Variants in COL22A1 observed in about 807,000 individuals in gnomAD.
COL22A1 encodes the protein collagen type XXII alpha 1 chain.
A neutral mutation model predicts 248.9 loss-of-function variants in COL22A1; 221 were observed. The ratio of observed to expected loss-of-function variants is 0.89; its 90% CI spans 0.80 to 0.99. The LOEUF (loss-of-function observed/expected upper bound fraction) is 0.99. Ranked by LOEUF, COL22A1 falls within the 50% of genes least tolerant of loss-of-function variation. COL22A1 has a pLI of 0.00. For synonymous variants in COL22A1, 891 were observed against 793.4 expected, an observed-to-expected ratio of 1.12 and a Z score of -2.07; for missense variants, 2,240 against 2,179.0, an observed-to-expected ratio of 1.03 and a Z score of -0.56.
Position 138,725,437 on chromosome 8 carries a change from G to A in COL22A1, c.2143C>T (p.Pro715Ser), listed in dbSNP as rs201989575. 11 of 1,613,352 alleles carry A rather than the reference G, an allele frequency of 6.8e-6. No individual in the cohort carries two copies. Among genetic ancestry groups the A allele is most frequent in the Admixed American group, 1.7e-5 (1 of 59,832 alleles). ...GIPGLLGLQG[P>S]PGPPGVPGPP... The stretch of plus-strand genomic sequence containing the variant: ...CCTGGGACACCAGGGGGTCCTGGAG[G>A]GCCCTGTAGAGAAAGAGCATTTGGT... Residue 715 changes from proline to serine, a missense_variant, in exon 24 of 65, where the codon CCT (proline) becomes TCT (serine). Physicochemically the swap from Pro to Ser is moderately conservative, Grantham distance 74. Transcript: ENST00000303045.
Position 138,615,523 on chromosome 8 carries a change from T to C in COL22A1, c.3924+478A>G, listed in dbSNP as rs1192897964. On this transcript the variant is annotated intron_variant, in intron 55 of 64. Transcript: ENST00000303045. Reference sequence around the variant, plus strand: ...TTCAGCCTGGGCGACGGAGTGAGACTCCATCTCAAAAAAAAAAAAAAAAAA... The same window carrying C: ...TTCAGCCTGGGCGACGGAGTGAGACCCCATCTCAAAAAAAAAAAAAAAAAA... Among the ~76,000 whole-genome samples, 5 of 123,834 alleles carry C rather than the reference T, an allele frequency of 4.0e-5. No homozygotes were observed. The East Asian group carries it at 9.5e-4, about 23-fold the overall frequency. The allele number at this position is 123,834 out of a possible 152,430, so 81.2% of individuals were successfully genotyped here.
At chr8:138,704,404 C>T (rs909568740) in intron 30 of COL22A1, among the ~76,000 whole-genome samples, 1 of 152,198 alleles carries the variant, frequency 6.6e-6, no homozygotes, top group Non-Finnish European at 1.5e-5. Context: ...CTCATACAGC[C>T]AGATGCCCCT....
At chr8:138,627,301 T>A (rs1251677545) in intron 50 of COL22A1, among the ~76,000 whole-genome samples, 2 of 152,244 alleles carry the variant, frequency 1.3e-5, no homozygotes, top group Admixed American at 6.5e-5. Context: ...GATCTAGGAC[T>A]GGAGTCAGCA....
intron 2 of COL22A1, 57 bp from the exon 3 acceptor site, chr8:138,878,373 C>A: frequency 7.2e-7 from 1 of 1,388,024 alleles, no homozygotes; most frequent in South Asian, 1.5e-5. Flanking sequence ...AGGACACTGT[C>A]CTGGGGTATA....
intron 23 of COL22A1, among the ~76,000 whole-genome samples, chr8:138,730,949 A>G (rs1365644816): frequency 6.6e-6 from 1 of 152,102 alleles, no homozygotes; most frequent in Non-Finnish European, 1.5e-5. Context: ...TCTTCGAGGG[A>G]GCACAAAAAT....
intron 51 of COL22A1, among the ~76,000 whole-genome samples, chr8:138,625,404 T>C (rs1436232321): frequency 4.6e-5 from 7 of 152,074 alleles, no homozygotes; most frequent in Non-Finnish European, 1.0e-4. Flanking sequence ...CAGTAAGTGC[T>C]ACAGCAGCAA....
intron 1 of COL22A1, among the ~76,000 whole-genome samples, chr8:138,908,958 A>C (rs1488983481): frequency 6.6e-6 from 1 of 152,188 alleles, no homozygotes; most frequent in African/African-American, 2.4e-5. Context: ...GAGATGGGCA[A>C]GAAGAAGGTG....
Position 138,755,619 on chromosome 8 carries a change from G to T in COL22A1, c.1948-108C>A, listed in dbSNP as rs990358810. 53 of 1,384,620 alleles carry T rather than the reference G, an allele frequency of 3.8e-5. No individual in the cohort carries two copies. In the Admixed American group the frequency reaches 7.7e-4, roughly 20 times the overall value. 85.8% of individuals were successfully genotyped at this position (1,384,620 alleles called of 1,614,324 possible). A position where few individuals can be genotyped will look rare whatever the true frequency, so the allele number is the denominator to read the frequency against. On this transcript the variant is annotated intron_variant, in intron 19 of 64. Coordinates refer to ENST00000303045, the MANE Select transcript of COL22A1 (RefSeq NM_152888.3). Reference sequence around the variant, plus strand: ...CATTCACAGGCCATGCTGTCATGTCGTGCCTCCTGACTTTTCTCTGATTCT... The same window carrying T: ...CATTCACAGGCCATGCTGTCATGTCTTGCCTCCTGACTTTTCTCTGATTCT...
intron 3 of COL22A1, 77 bp downstream of exon 3, chr8:138,877,673 G>T: frequency 7.1e-7 from 1 of 1,407,514 alleles, no homozygotes; most frequent in Non-Finnish European, 9.6e-7. Flanking sequence ...ATCCCTATCT[G>T]CCCGAGGACC....
intron 1 of COL22A1, among the ~76,000 whole-genome samples, chr8:138,890,398 A>T (rs1438360356): frequency 6.6e-6 from 1 of 152,180 alleles, no homozygotes; most frequent in Non-Finnish European, 1.5e-5. Flanking sequence ...AAAGAAATAA[A>T]AGGCATTCAA....
intron 1 of COL22A1, among the ~76,000 whole-genome samples, chr8:138,894,313 A>C (rs535574785): frequency 1.4e-4 from 22 of 152,312 alleles, no homozygotes; most frequent in African/African-American, 5.3e-4. Flanking sequence ...GAGACCAATG[A>C]GGAGTTCTAG....
intron 4 of COL22A1, among the ~76,000 whole-genome samples, chr8:138,837,632 C>T (rs1244631093): frequency 6.6e-6 from 1 of 152,174 alleles, no homozygotes; most frequent in East Asian, 1.9e-4. Context: ...CCGGGCTGCC[C>T]CTGTATTGGG....
At chr8:138,628,250 T>G (rs1035873144) in intron 50 of COL22A1, among the ~76,000 whole-genome samples, 4 of 152,234 alleles carry the variant, frequency 2.6e-5, no homozygotes, top group African/African-American at 9.6e-5. Context: ...AAGGTTTGTA[T>G]GTATCTTTTT....
chr8:138,804,346 C>T (rs1317043589), intron 10 of COL22A1, among the ~76,000 whole-genome samples: 4 of 152,218 alleles, frequency 2.6e-5, no homozygotes, highest in African/African-American at 9.6e-5. Context: ...AGGAGCCGGG[C>T]AGGTCTCCAG....
At chr8:138,800,684 C>A (rs879556503) in intron 11 of COL22A1, among the ~76,000 whole-genome samples, 1 of 152,094 alleles carries the variant, frequency 6.6e-6, no homozygotes, top group African/African-American at 2.4e-5. Flanking sequence ...CATAATTATG[C>A]GATGGACCGC....
intron 9 of COL22A1, among the ~76,000 whole-genome samples, chr8:138,810,907 C>T (rs901304246): frequency 1.3e-5 from 2 of 152,192 alleles, no homozygotes; most frequent in African/African-American, 2.4e-5. Context: ...CCAAGCACCT[C>T]TCACATGCAG....
intron 3 of COL22A1, among the ~76,000 whole-genome samples, chr8:138,857,588 C>T (rs2131938400): frequency 6.6e-6 from 1 of 152,304 alleles, no homozygotes; most frequent in African/African-American, 2.4e-5. Flanking sequence ...CTCGAATCTG[C>T]CACCCCATCC....
chr8:138,781,735 C>T (rs540998439), intron 12 of COL22A1, among the ~76,000 whole-genome samples: 4 of 152,234 alleles, frequency 2.6e-5, no homozygotes, highest in Non-Finnish European at 4.4e-5. Context: ...AGCTCCCGCC[C>T]AGCTCCAACA....
chr8:138,816,980 G>A (rs192548630), intron 7 of COL22A1, among the ~76,000 whole-genome samples: 6 of 152,312 alleles, frequency 3.9e-5, no homozygotes, highest in Non-Finnish European at 7.4e-5. Context: ...GCCAGGCACT[G>A]TTAGGTGCTG....
Sources: gnomAD v4.1 joint callset for allele counts (sites outside exome capture counted in the v4.1 genomes callset) on GRCh38, gnomAD v4.1.1 for gene constraint, MANE v1.5 for transcripts, NCBI Gene and HGNC (gene_info 2026-07-23, HGNC 2026-07-21) for gene names.